Variants in CSMD1 observed in about 807,000 individuals in gnomAD.
CSMD1 encodes CUB and Sushi multiple domains 1.
CSMD1 carries 213 observed loss-of-function variants against 417.5 expected under a neutral mutation model. The observed-to-expected ratio is 0.51, with a 90% CI of 0.46 to 0.57. The LOEUF is 0.57. CSMD1 is among the 20% of genes least tolerant of loss of function. CSMD1 has a pLI of 0.00. For missense variants in CSMD1, 6,923 were observed against 4,529.7 expected (o/e 1.53, Z -15.17); for synonymous variants, 2,862 against 1,736.8 (o/e 1.65, Z -16.11).
At chr8:3,607,260 G>A (rs942387756) in intron 8 of CSMD1, among the ~76,000 whole-genome samples, 4 of 152,098 alleles carry the variant, frequency 2.6e-5, no homozygotes, top group African/African-American at 4.8e-5. Flanking sequence ...GTCCCACTGG[G>A]AAGTCTTCAG....
At chr8:3,132,498 G>A (rs868035414) in intron 41 of CSMD1, among the ~76,000 whole-genome samples, 3 of 152,224 alleles carry the variant, frequency 2.0e-5, no homozygotes, top group Middle Eastern at 3.4e-3. Context: ...TGTCTTCAAA[G>A]TGTCACTTTG....
At chr8:3,132,527 G>A (rs1340265203) in intron 41 of CSMD1, among the ~76,000 whole-genome samples, 2 of 152,138 alleles carry the variant, frequency 1.3e-5, no homozygotes, top group African/African-American at 4.8e-5. Flanking sequence ...AGTCTCATCA[G>A]TTCTAGATAG....
chr8:4,666,602 A>C (rs1804953197), intron 1 of CSMD1, among the ~76,000 whole-genome samples: 1 of 152,254 alleles, frequency 6.6e-6, no homozygotes, highest in Non-Finnish European at 1.5e-5. Flanking sequence ...TGCTGTTTCA[A>C]ACCAATAATA....
chr8:3,591,611 A>T (rs1800848631), intron 8 of CSMD1, among the ~76,000 whole-genome samples: 1 of 152,204 alleles, frequency 6.6e-6, no homozygotes, highest in Non-Finnish European at 1.5e-5. Context: ...CTAGGTAAGG[A>T]TCTCCTACCT....
Position 3,359,306 on chromosome 8 carries a change from G to T in CSMD1, c.3150C>A (p.Val1050=), listed in dbSNP as rs781624476. 1.2e-6 allele frequency: 2 copies of T among 1,613,624 alleles called. No homozygotes were observed. The highest frequency in any genetic ancestry group is 1.1e-5 in the South Asian group (1 of 91,066). ...YDLEPCDDPG[V]PAFSRRIGFH... ...AACCAATTCTTCGGCTGAAGGCAGG[G>T]ACTCCAGGATCATCACATGGCTCCA... is the stretch of plus-strand genomic sequence containing the variant. The change falls in exon 21 of 70, where the codon GTC becomes GTA. Residue 1050 remains valine, a synonymous_variant. Coordinates refer to ENST00000635120, the MANE Select transcript of CSMD1 (RefSeq NM_033225.6).
chr8:3,832,913 G>A (rs1462487049), intron 5 of CSMD1, among the ~76,000 whole-genome samples: 1 of 152,078 alleles, frequency 6.6e-6, no homozygotes, highest in Non-Finnish European at 1.5e-5. Context: ...ACACAAATAG[G>A]AGTACGTTTC....
At chr8:2,959,452 G>A (rs561650649) in intron 62 of CSMD1, among the ~76,000 whole-genome samples, 1 of 152,290 alleles carries the variant, frequency 6.6e-6, no homozygotes, top group South Asian at 2.1e-4. Context: ...AAGCATGTTT[G>A]CAATTCCAAC....
intron 2 of CSMD1, among the ~76,000 whole-genome samples, chr8:4,506,310 A>G (rs1456336297): frequency 6.6e-6 from 1 of 152,132 alleles, no homozygotes; most frequent in African/African-American, 2.4e-5. Flanking sequence ...AAGGAAGAGT[A>G]CCAGCTACCC....
chr8:3,446,924 A>G (rs1252658925), intron 12 of CSMD1, among the ~76,000 whole-genome samples: 2 of 152,384 alleles, frequency 1.3e-5, no homozygotes, highest in East Asian at 3.9e-4. Context: ...TTGGGGGAAG[A>G]AAGGAAATAA....
intron 2 of CSMD1, among the ~76,000 whole-genome samples, chr8:4,427,317 G>A (rs373341521): frequency 1.3e-5 from 2 of 152,124 alleles, no homozygotes; most frequent in East Asian, 1.9e-4. Context: ...ACAAAATACT[G>A]GATGCAGTGA....
chr8:3,187,903 C>G lies in CSMD1; in HGVS notation c.5586G>C (p.Gly1862=), dbSNP rs1382903498. Residue 1862 remains glycine (G), a synonymous_variant, in exon 36 of 70, where the codon GGG becomes GGC. Coordinates refer to ENST00000635120, the MANE Select transcript of CSMD1 (RefSeq NM_033225.6). Reference sequence around the variant, plus strand: ...TTCCCAGTCTGGGTGCGGTCACATCCCCACCATCGTGGATCTCAAGGGAGT... The same window carrying G: ...TTCCCAGTCTGGGTGCGGTCACATCGCCACCATCGTGGATCTCAAGGGAGT... ...NWDSLEIHDG[G]DVTAPRLGSF... is the part of the protein sequence containing the mutation. The G allele has an allele frequency of 9.3e-6, 15 of 1,612,834 alleles. No individual in the cohort carries two copies. Among genetic ancestry groups the G allele is most frequent in the Non-Finnish European group, 1.3e-5 (15 of 1,179,526 alleles).
At chr8:3,919,845 C>T (rs1263197805) in intron 5 of CSMD1, among the ~76,000 whole-genome samples, 1 of 152,036 alleles carries the variant, frequency 6.6e-6, no homozygotes, top group African/African-American at 2.4e-5. Context: ...AGATCATTCA[C>T]CTCCTTGGTT....
rs146875802 is a variant in CSMD1, at chr8:4,173,502, C to T, written c.416-141403G>A. On this transcript the variant is annotated intron_variant, in intron 3 of 69. Transcript: ENST00000635120. ...ATCTAGAGACACAGCTAAGTGCTCTCGGTAGATGGGGATAAACACCATCCT... is the reference window on the plus strand; with the variant it reads ...ATCTAGAGACACAGCTAAGTGCTCTTGGTAGATGGGGATAAACACCATCCT... Among the ~76,000 whole-genome samples the T allele has an allele frequency of 1.7e-4, 26 of 151,830 alleles. No individual in the cohort carries two copies. In the East Asian group the frequency reaches 4.3e-3, roughly 25 times the overall value.
chr8:4,153,930 G>A (rs886575047), intron 3 of CSMD1, among the ~76,000 whole-genome samples: 1 of 152,182 alleles, frequency 6.6e-6, no homozygotes, highest in Non-Finnish European at 1.5e-5. Context: ...GAGGCACTGT[G>A]GATCCTGCTT....
intron 1 of CSMD1, among the ~76,000 whole-genome samples, chr8:4,736,239 G>A (rs138890541): frequency 2.8e-4 from 43 of 152,108 alleles, no homozygotes; most frequent in Admixed American, 9.2e-4. Flanking sequence ...TTTAAAAAGA[G>A]ACGTAAAAGT....
At chr8:4,299,596 T>A (rs1585185660) in intron 3 of CSMD1, among the ~76,000 whole-genome samples, 1 of 152,282 alleles carries the variant, frequency 6.6e-6, no homozygotes, top group East Asian at 1.9e-4. Context: ...TGCCCCATAT[T>A]GGCCAATATT....
chr8:2,972,948 G>T (rs1450564897), intron 57 of CSMD1, among the ~76,000 whole-genome samples, 169 bp downstream of exon 57: 1 of 152,194 alleles, frequency 6.6e-6, no homozygotes, highest in Non-Finnish European at 1.5e-5. Flanking sequence ...ATACCTCCAT[G>T]CACCCAGTCA....
At chr8:4,435,912 G>A (rs186274976) in intron 2 of CSMD1, among the ~76,000 whole-genome samples, 1 of 152,294 alleles carries the variant, frequency 6.6e-6, no homozygotes, top group East Asian at 1.9e-4. Context: ...AGATTTGACG[G>A]AAAATAATTA....
intron 1 of CSMD1, among the ~76,000 whole-genome samples, chr8:4,730,627 G>C (rs1478058172): frequency 6.6e-6 from 1 of 152,066 alleles, no homozygotes; most frequent in Admixed American, 6.6e-5. Flanking sequence ...TGTAGTCCCA[G>C]CTACTCGGGA....
Sources: gnomAD v4.1 joint callset for allele counts (sites outside exome capture counted in the v4.1 genomes callset) on GRCh38, gnomAD v4.1.1 for gene constraint, MANE v1.5 for transcripts, NCBI Gene and HGNC (gene_info 2026-07-23, HGNC 2026-07-21) for gene names.